Variants in MAMDC2 observed in about 807,000 individuals in gnomAD.
The protein encoded by MAMDC2 is MAM domain-containing protein 2.
Under a neutral mutation model 89.8 loss-of-function variants are expected in MAMDC2, and 57 were observed. The ratio of observed to expected loss-of-function variants is 0.63; its 90% confidence interval spans 0.51 to 0.79. MAMDC2 has a LOEUF of 0.79. MAMDC2 is among the 30% of genes least tolerant of loss of function. The pLI is 0.00. For synonymous variants in MAMDC2, 313 were observed against 293.4 expected (o/e 1.07, Z -0.68); for missense variants, 800 against 820.6 (o/e 0.97, Z 0.31).
chr9:70,190,124 G>A (rs1198337392), intron 11 of MAMDC2, among the ~76,000 whole-genome samples: 1 of 152,062 alleles, frequency 6.6e-6, no homozygotes, highest in African/African-American at 2.4e-5. Context: ...TTTTTATCCT[G>A]TGTATGGGCA....
chr9:70,078,096 A>C (rs1827575401), intron 2 of MAMDC2, among the ~76,000 whole-genome samples: 1 of 152,032 alleles, frequency 6.6e-6, no homozygotes, highest in African/African-American at 2.4e-5. Flanking sequence ...ATAGAAAAAA[A>C]ACTGCTATAG....
At chr9:70,181,035 G>C (rs992414095) in intron 11 of MAMDC2, among the ~76,000 whole-genome samples, 1 of 152,206 alleles carries the variant, frequency 6.6e-6, no homozygotes, top group Non-Finnish European at 1.5e-5. Context: ...TGTATAAGGT[G>C]TAAGGAAGGG....
chr9:70,211,911 T>C (rs1400677464), intron 11 of MAMDC2, among the ~76,000 whole-genome samples: 1 of 152,250 alleles, frequency 6.6e-6, no homozygotes, highest in Non-Finnish European at 1.5e-5. Context: ...TCTGTTTGCC[T>C]GGGTATCAGC....
At chr9:70,045,346 G>A (rs1028116967) in intron 2 of MAMDC2, among the ~76,000 whole-genome samples, 4 of 152,160 alleles carry the variant, frequency 2.6e-5, no homozygotes, top group African/African-American at 4.8e-5. Flanking sequence ...AAGTTTAAAT[G>A]TGGGGTCTTC....
At chr9:70,127,680 A>C (rs1587495885) in intron 6 of MAMDC2, among the ~76,000 whole-genome samples, 15 of 127,426 alleles carry the variant, frequency 1.2e-4, no homozygotes, top group Admixed American at 2.4e-4. Flanking sequence ...TTACCTCCCT[A>C]CCTCCCCCCA....
At chr9:70,208,732 C>T (rs2033284301) in intron 11 of MAMDC2, among the ~76,000 whole-genome samples, 1 of 102,230 alleles carries the variant, frequency 9.8e-6, no homozygotes, top group Non-Finnish European at 2.0e-5. Flanking sequence ...GGGAATGCTT[C>T]CAGTTTTTGT....
chr9:70,044,853 AG>A (rs1388904968), intron 2 of MAMDC2, among the ~76,000 whole-genome samples, 156 bp downstream of exon 2: 2 of 152,234 alleles, frequency 1.3e-5, no homozygotes, highest in Admixed American at 6.5e-5. Context: ...CTGTGCTGCA[AG>A]GGATGGCCGA....
At chr9:70,201,734 T>C (rs1296829411) in intron 11 of MAMDC2, among the ~76,000 whole-genome samples, 1 of 143,250 alleles carries the variant, frequency 7.0e-6, no homozygotes, top group Non-Finnish European at 1.5e-5. Context: ...TTTCAGATCC[T>C]GTTATTGGTC....
At chr9:70,208,388 G>C (rs902328711) in intron 11 of MAMDC2, among the ~76,000 whole-genome samples, 2 of 152,110 alleles carry the variant, frequency 1.3e-5, no homozygotes, top group African/African-American at 4.8e-5. Flanking sequence ...TATTCTCTTT[G>C]AAGCAATTGT....
intron 2 of MAMDC2, among the ~76,000 whole-genome samples, chr9:70,072,616 G>A (rs371389944): frequency 3.9e-5 from 6 of 152,122 alleles, no homozygotes; most frequent in East Asian, 1.9e-4. Context: ...ATGGTGGCAC[G>A]GTGAAAAAAG....
chr9:70,054,911 T>C (rs1826993716), intron 2 of MAMDC2, among the ~76,000 whole-genome samples: 3 of 152,014 alleles, frequency 2.0e-5, no homozygotes. Flanking sequence ...TGGAACTTAC[T>C]CATTGAAAAA....
At chr9:70,091,835 C>G (rs1380763537) in intron 2 of MAMDC2, among the ~76,000 whole-genome samples, 1 of 152,166 alleles carries the variant, frequency 6.6e-6, no homozygotes, top group Non-Finnish European at 1.5e-5. Context: ...CCATGGCAAC[C>G]AACTTATTGA....
intron 2 of MAMDC2, among the ~76,000 whole-genome samples, chr9:70,095,358 A>T (rs73447375): frequency 0.035 from 5,347 of 152,304 alleles, 275 homozygotes; most frequent in African/African-American, 0.12. Context: ...TAGACGTATC[A>T]GAAGGGCATT....
intron 2 of MAMDC2, among the ~76,000 whole-genome samples, chr9:70,064,639 A>C (rs1827224146): frequency 6.6e-6 from 1 of 152,098 alleles, no homozygotes; most frequent in Non-Finnish European, 1.5e-5. Flanking sequence ...TTTACAGATA[A>C]TTTTCTGTTT....
intron 2 of MAMDC2, among the ~76,000 whole-genome samples, chr9:70,095,705 T>G (rs573084421): frequency 6.6e-6 from 1 of 152,354 alleles, no homozygotes; most frequent in East Asian, 1.9e-4. Context: ...GAATTACCTC[T>G]GTATAAACGA....
chr9:70,207,726 T>C (rs977276244), intron 11 of MAMDC2, among the ~76,000 whole-genome samples: 1 of 152,216 alleles, frequency 6.6e-6, no homozygotes, highest in Non-Finnish European at 1.5e-5. Flanking sequence ...TCCTGAATGG[T>C]ATTGCCTAGG....
chr9:70,187,141 A>C (rs1295720663), intron 11 of MAMDC2, among the ~76,000 whole-genome samples: 2 of 152,070 alleles, frequency 1.3e-5, no homozygotes, highest in Admixed American at 6.5e-5. Context: ...ATAGTTTTCA[A>C]AATTTCTTGA....
chr9:70,126,242 A>G lies in MAMDC2; in HGVS notation c.727A>G (p.Met243Val), dbSNP rs61998197. 905 of 1,613,670 alleles carry G rather than the reference A, an allele frequency of 5.6e-4. 8 individuals are homozygous for G. The African/African-American group carries it at 0.011, about 19-fold the overall frequency. The change falls in exon 6 of 14, where the codon ATG (methionine) becomes GTG (valine). Residue 243 changes from methionine to valine, a missense_variant. Met to Val is a conservative substitution (Grantham distance 21, BLOSUM62 1). Coordinates refer to ENST00000377182, the MANE Select transcript of MAMDC2 (RefSeq NM_153267.5). Reference sequence around the variant, plus strand: ...CATCTCCCCGTTGACCACGGCCCCCATGGCTGGCTGCCTGTCATTTTATTA... The same window carrying G: ...CATCTCCCCGTTGACCACGGCCCCCGTGGCTGGCTGCCTGTCATTTTATTA... ...QLISPLTTAP[M>V]AGCLSFYYQI... is the part of the protein sequence containing the mutation.
intron 2 of MAMDC2, among the ~76,000 whole-genome samples, chr9:70,091,804 T>C (rs996565223): frequency 1.3e-5 from 2 of 152,218 alleles, no homozygotes; most frequent in African/African-American, 4.8e-5. Flanking sequence ...ATCAGTGTTA[T>C]TGTCATCAAA....
Sources: allele counts gnomAD v4.1 joint callset (sites outside exome capture counted in the v4.1 genomes callset), GRCh38; gene constraint gnomAD v4.1.1; transcripts MANE v1.5; gene names NCBI Gene and HGNC (gene_info 2026-07-23, HGNC 2026-07-21).